Variants in PPFIA1 observed in about 807,000 individuals in gnomAD.
PPFIA1 encodes the protein liprin-alpha-1.
A neutral mutation model predicts 149.9 loss-of-function variants in PPFIA1; 25 were observed. The observed-to-expected ratio is 0.17, with a 90% CI of 0.12 to 0.23. The LOEUF (loss-of-function observed/expected upper bound fraction) is 0.23. Ranked by LOEUF, PPFIA1 falls within the 10% of genes least tolerant of loss-of-function variation. PPFIA1 has a pLI of 1.00. For synonymous variants in PPFIA1, 549 were observed against 552.8 expected (o/e 0.99, Z 0.10); for missense variants, 1,362 against 1,506.5 (o/e 0.90, Z 1.59).
chr11:70,322,071 G>A (rs975289369), intron 2 of PPFIA1, among the ~76,000 whole-genome samples: 2 of 152,174 alleles, frequency 1.3e-5, no homozygotes, highest in Non-Finnish European at 2.9e-5. Flanking sequence ...TAGAGATGGT[G>A]TTTCTCCATG....
chr11:70,333,459 T>C lies in PPFIA1; in HGVS notation c.1213-11T>C. 6.2e-7 allele frequency: 1 copy of C among 1,610,358 alleles called. No homozygotes were observed. The highest frequency in any genetic ancestry group is 1.1e-5 in the South Asian group (1 of 90,108). ...AAGGATGACGTCAGCGTACGCTGTTTCTGCTGACAGGCTGAAGAGAGACAC... is the reference window on the plus strand; with the variant it reads ...AAGGATGACGTCAGCGTACGCTGTTCCTGCTGACAGGCTGAAGAGAGACAC... On this transcript the variant is annotated splice_polypyrimidine_tract_variant and intron_variant, in intron 9 of 27. Coordinates refer to ENST00000253925, the MANE Select transcript of PPFIA1 (RefSeq NM_003626.5).
intron 2 of PPFIA1, among the ~76,000 whole-genome samples, chr11:70,294,538 T>C (rs982840666): frequency 4.2e-5 from 4 of 94,280 alleles, no homozygotes; most frequent in African/African-American, 2.3e-4. Context: ...ATGGTGAGAA[T>C]TTTCTTTCTT....
chr11:70,381,755 T>C (rs1219046249), intron 26 of PPFIA1, among the ~76,000 whole-genome samples: 1 of 152,252 alleles, frequency 6.6e-6, no homozygotes, highest in Non-Finnish European at 1.5e-5. Context: ...GGTCTATGAA[T>C]GCAGAGTTTA....
rs769856790 is a variant in PPFIA1, at chr11:70,325,020, A to G, written c.531+9A>G. 2 of 1,601,276 alleles carry G rather than the reference A, an allele frequency of 1.2e-6. No homozygotes were observed. Among genetic ancestry groups the G allele is most frequent in the East Asian group, 2.2e-5 (1 of 44,718 alleles). ...AAGCTCTGGATGAAAAGGTGCCATC[A>G]GCCACATAAGTCTTGGTTTGTGCAC... On this transcript the variant is annotated intron_variant, in intron 4 of 27. Coordinates refer to ENST00000253925, the MANE Select transcript of PPFIA1 (RefSeq NM_003626.5).
At chr11:70,365,143 G>T in intron 21 of PPFIA1, 1 of 202,934 alleles carries the variant, frequency 4.9e-6, no homozygotes, top group Non-Finnish European at 1.0e-5. Flanking sequence ...CCTCGGGTAA[G>T]CATGGCATCT....
At chr11:70,350,170 A>G (rs935369720) in intron 16 of PPFIA1, 4 of 302,476 alleles carry the variant, frequency 1.3e-5, no homozygotes, top group South Asian at 2.7e-5. Context: ...GTATTACTAT[A>G]TAGTAAGTAT....
intron 21 of PPFIA1, 99 bp from the exon 22 acceptor site, chr11:70,372,116 T>G: frequency 2.4e-5 from 25 of 1,055,650 alleles, no homozygotes; most frequent in African/African-American, 3.2e-5. Context: ...GTTTAGCCTT[T>G]GAGAATATAG....
intron 16 of PPFIA1, among the ~76,000 whole-genome samples, chr11:70,348,805 A>G (rs995512888): frequency 6.6e-5 from 10 of 152,178 alleles, no homozygotes; most frequent in African/African-American, 2.4e-4. Context: ...CAGGAGGTCG[A>G]GGCTACAGTG....
chr11:70,277,383 C>T (rs927252428), intron 2 of PPFIA1, among the ~76,000 whole-genome samples: 7 of 151,516 alleles, frequency 4.6e-5, no homozygotes, highest in African/African-American at 1.7e-4. Flanking sequence ...TTATTTTGTA[C>T]AGTTAATGTT....
chr11:70,282,984 C>T (rs1471932582), intron 2 of PPFIA1, among the ~76,000 whole-genome samples: 2 of 151,728 alleles, frequency 1.3e-5, no homozygotes, highest in East Asian at 1.9e-4. Flanking sequence ...GGACCATAGG[C>T]GTGCATCACC....
intron 14 of PPFIA1, among the ~76,000 whole-genome samples, chr11:70,343,355 T>C (rs1225874417): frequency 6.6e-6 from 1 of 152,124 alleles, no homozygotes; most frequent in South Asian, 2.1e-4. Flanking sequence ...CTCTTCATCC[T>C]CCCCCTGCCC....
At chr11:70,380,926 C>T (rs561224670) in intron 26 of PPFIA1, among the ~76,000 whole-genome samples, 1 of 151,846 alleles carries the variant, frequency 6.6e-6, no homozygotes, top group Non-Finnish European at 1.5e-5. Context: ...CTCAGCCTCC[C>T]AAGTAGCTGG....
rs759948657 is a variant in PPFIA1, at chr11:70,330,281, G to C, written c.1039G>C (p.Glu347Gln). 7 of 1,581,698 alleles carry C rather than the reference G, an allele frequency of 4.4e-6. No homozygotes were observed. Among genetic ancestry groups the C allele is most frequent in the Admixed American group, 2.0e-5 (1 of 51,130 alleles). Residue 347 changes from glutamate (E) to glutamine (Q), a missense_variant, in exon 8 of 28, where the codon GAA becomes CAA. Around this residue, in one of 7 missense-constraint regions of PPFIA1, gnomAD observed 733 missense variants for 744.1 expected, o/e 0.99. Transcript: ENST00000253925. ...TSVHDLNDKLENEIANKDSMH... is the reference protein window; with the variant it reads ...TSVHDLNDKLQNEIANKDSMH... ...TGTGCATGACCTCAATGATAAACTT[G>C]AAAATGAAATTGCAAATAAAGATTC...
chr11:70,305,707 T>G (rs1287318149), intron 2 of PPFIA1, among the ~76,000 whole-genome samples: 3 of 152,204 alleles, frequency 2.0e-5, no homozygotes, highest in Non-Finnish European at 4.4e-5. Flanking sequence ...GGACTGAATT[T>G]GACTCACAGT....
At chr11:70,306,341 G>C (rs1376884998) in intron 2 of PPFIA1, among the ~76,000 whole-genome samples, 1 of 152,070 alleles carries the variant, frequency 6.6e-6, no homozygotes, top group East Asian at 1.9e-4. Context: ...AACATTGATA[G>C]TTAAAGTACG....
At chr11:70,282,400 G>T in intron 2 of PPFIA1, 1 of 152,830 alleles carries the variant, frequency 6.5e-6, no homozygotes, top group Non-Finnish European at 1.5e-5. Context: ...CAGGGCTCAA[G>T]CCATCCTTCT....
At chr11:70,279,148 C>T in intron 2 of PPFIA1, 1 of 543,366 alleles carries the variant, frequency 1.8e-6, no homozygotes, top group Non-Finnish European at 3.4e-6. Context: ...TTCACAGCGG[C>T]AGTCGCGCCC....
At chr11:70,310,385 C>CTTT (rs754099737) in intron 2 of PPFIA1, among the ~76,000 whole-genome samples, 1 of 132,176 alleles carries the variant, frequency 7.6e-6, no homozygotes, top group Non-Finnish European at 1.6e-5. Flanking sequence ...CATCCATGTA[C>CTTT]TTTTTTTTTT....
chr11:70,306,154 C>T (rs1281191149), intron 2 of PPFIA1, among the ~76,000 whole-genome samples: 2 of 152,050 alleles, frequency 1.3e-5, no homozygotes, highest in African/African-American at 4.8e-5. Context: ...CATGCACGCA[C>T]ACATGCACGC....
Sources: gnomAD v4.1 joint callset for allele counts (sites outside exome capture counted in the v4.1 genomes callset) on GRCh38, gnomAD v4.1.1 for gene constraint, gnomAD v4.1.1 regional missense constraint, MANE v1.5 for transcripts, NCBI Gene and HGNC (gene_info 2026-07-23, HGNC 2026-07-21) for gene names.